The following NLGN4Y variants were observed in gnomAD, a reference collection of about 807,000 sequenced individuals.
NLGN4Y encodes neuroligin-4, Y-linked.
NLGN4Y carries 4 observed loss-of-function variants against 8.4 expected under a neutral mutation model. The ratio of observed to expected loss-of-function variants is 0.48; its 90% CI spans 0.23 to 1.09. The LOEUF (loss-of-function observed/expected upper bound fraction) is 1.09, where lower values mean the gene tolerates loss of function less well. Ranked by LOEUF, NLGN4Y falls within the 50% of genes least tolerant of loss-of-function variation. The pLI, the probability that NLGN4Y is intolerant of heterozygous loss-of-function variation, is 0.19. For synonymous variants in NLGN4Y, 35 were observed against 75.6 expected (o/e 0.46, Z 2.78); for missense variants, 90 against 192.3 (o/e 0.47, Z 3.15).
At chrY:14,644,623 G>A in intron 2 of NLGN4Y, among the ~76,000 whole-genome samples, 1 of 33,221 alleles carries the variant, frequency 3.0e-5, no homozygotes, top group Non-Finnish European at 7.4e-5. Context: ...TGAAAGCTGA[G>A]AAGCTCAACC....
At chrY:14,692,025 T>C in intron 2 of NLGN4Y, among the ~76,000 whole-genome samples, 1 of 32,622 alleles carries the variant, frequency 3.1e-5, no homozygotes, top group African/African-American at 1.2e-4. Flanking sequence ...TTCTTTTTTA[T>C]GGTGTAGTTC....
At chrY:14,823,501 G>A (rs2043131208) in intron 4 of NLGN4Y, among the ~76,000 whole-genome samples, 1 of 33,652 alleles carries the variant, frequency 3.0e-5, no homozygotes, top group African/African-American at 1.2e-4. Context: ...CATTTAGTAC[G>A]TAATTTATCA....
chrY:14,555,171 C>G (rs2080207338), intron 1 of NLGN4Y, among the ~76,000 whole-genome samples: 1 of 32,990 alleles, frequency 3.0e-5, no homozygotes, highest in Non-Finnish European at 7.4e-5. Context: ...GGTCTGGAAG[C>G]CATAGTAGTG....
At chrY:14,584,339 G>C in intron 1 of NLGN4Y, among the ~76,000 whole-genome samples, 1 of 32,535 alleles carries the variant, frequency 3.1e-5, no homozygotes, top group Non-Finnish European at 7.5e-5. Context: ...TGTTGCCCAG[G>C]CTGGTCTGGA....
intron 2 of NLGN4Y, among the ~76,000 whole-genome samples, chrY:14,692,181 C>T (rs2080812376): frequency 3.0e-5 from 1 of 33,012 alleles, no homozygotes; most frequent in Non-Finnish European, 7.5e-5. Flanking sequence ...GCATATTAAT[C>T]AAACATGTGA....
At position 14,843,674 on chromosome Y, in the gene NLGN4Y, G is replaced by T. The variant is rs1355252226; in HGVS notation, c.*2412G>T. The T allele has an allele frequency of 9.2e-5, 11 of 119,124 alleles. No homozygotes were observed. Among genetic ancestry groups the T allele is most frequent in the Non-Finnish European group, 1.6e-4 (9 of 55,723 alleles). The allele number at this position is 119,124 out of a possible 400,897, so 29.7% of individuals were successfully genotyped here. A position where few individuals can be genotyped will look rare whatever the true frequency, so the allele number is the denominator to read the frequency against. On this transcript the variant is annotated 3_prime_UTR_variant, in exon 7 of 7. Transcript: ENST00000684976. ...ATGATATCTCATTTCTACGTGAAAA[G>T]AAGTTATAGAATCTTCATAGAGTTC...
intron 2 of NLGN4Y, among the ~76,000 whole-genome samples, chrY:14,623,702 T>G (rs762139019): frequency 2.0e-3 from 66 of 33,820 alleles, no homozygotes; most frequent in Middle Eastern, 0.014. Flanking sequence ...CAAAATTATA[T>G]TGCATCTGTC....
chrY:14,527,360 T>A (rs2080097303), intron 1 of NLGN4Y, among the ~76,000 whole-genome samples: 1 of 34,221 alleles, frequency 2.9e-5, no homozygotes, highest in African/African-American at 1.1e-4. Flanking sequence ...AAAATATACT[T>A]AAATTCCAAA....
intron 2 of NLGN4Y, among the ~76,000 whole-genome samples, chrY:14,683,848 T>C (rs569144292): frequency 3.2e-4 from 11 of 33,982 alleles, no homozygotes; most frequent in African/African-American, 9.1e-4. Flanking sequence ...TGAGTGACCA[T>C]AGATGGATTT....
At chrY:14,760,936 C>A (rs898415016) in intron 4 of NLGN4Y, among the ~76,000 whole-genome samples, 2 of 33,576 alleles carry the variant, frequency 6.0e-5, no homozygotes, top group African/African-American at 2.3e-4. Flanking sequence ...CATAAATTAA[C>A]AAGATGAATT....
At chrY:14,743,852 TG>T (rs2081016073) in intron 4 of NLGN4Y, among the ~76,000 whole-genome samples, 1 of 33,391 alleles carries the variant, frequency 3.0e-5, no homozygotes, top group Non-Finnish European at 7.4e-5. Context: ...GCTGACAGGC[TG>T]AGATTCTACA....
chrY:14,838,074 T>G, intron 6 of NLGN4Y, among the ~76,000 whole-genome samples: 1 of 33,607 alleles, frequency 3.0e-5, no homozygotes, highest in African/African-American at 1.2e-4. Flanking sequence ...AAATATTTAT[T>G]CATTTATTTT....
chrY:14,715,445 C>T (rs753260616), intron 2 of NLGN4Y, among the ~76,000 whole-genome samples: 2 of 33,279 alleles, frequency 6.0e-5, no homozygotes, highest in African/African-American at 2.3e-4. Flanking sequence ...ATATCTACCG[C>T]GGAATACTAT....
At chrY:14,623,100 A>G (rs995494572) in intron 2 of NLGN4Y, among the ~76,000 whole-genome samples, 9 of 33,627 alleles carry the variant, frequency 2.7e-4, no homozygotes, top group Non-Finnish European at 4.4e-4. Context: ...TCATACAATG[A>G]TAGGATTTCA....
At chrY:14,718,013 G>T (rs952147687) in intron 2 of NLGN4Y, among the ~76,000 whole-genome samples, 1 of 33,722 alleles carries the variant, frequency 3.0e-5, no homozygotes, top group African/African-American at 1.2e-4. Flanking sequence ...TTGATGCATG[G>T]TACAATATGG....
At chrY:14,711,767 A>AGCTTT in intron 2 of NLGN4Y, among the ~76,000 whole-genome samples, 1 of 32,271 alleles carries the variant, frequency 3.1e-5, no homozygotes, top group Admixed American at 2.9e-4. Flanking sequence ...TACTTTACTG[A>AGCTTT]AAGCTCCATA....
intron 2 of NLGN4Y, among the ~76,000 whole-genome samples, chrY:14,651,309 G>A (rs1057361891): frequency 6.3e-4 from 21 of 33,180 alleles, no homozygotes; most frequent in Non-Finnish European, 4.5e-4. Context: ...TTAAAAGTTG[G>A]TTTGAGGAAA....
chrY:14,663,401 A>G, intron 2 of NLGN4Y, among the ~76,000 whole-genome samples: 1 of 33,333 alleles, frequency 3.0e-5, no homozygotes, highest in Non-Finnish European at 7.4e-5. Flanking sequence ...TAAACATATG[A>G]GTTTTGAGAG....
At chrY:14,645,853 GTGA>G (rs2080609608) in intron 2 of NLGN4Y, among the ~76,000 whole-genome samples, 1 of 33,070 alleles carries the variant, frequency 3.0e-5, no homozygotes, top group African/African-American at 1.2e-4. Flanking sequence ...GGTGATGATG[GTGA>G]TGATGATGAT....
Sources: allele counts gnomAD v4.1 joint callset (sites outside exome capture counted in the v4.1 genomes callset), GRCh38; gene constraint gnomAD v4.1.1; transcripts MANE v1.5; gene names NCBI Gene and HGNC (gene_info 2026-07-23, HGNC 2026-07-21).